Variants in GALNT13 observed in about 807,000 individuals in gnomAD.
GALNT13 encodes UDP-GalNAc:polypeptide N-acetylgalactosaminyltransferase 13.
A neutral mutation model predicts 64.2 loss-of-function variants in GALNT13; 28 were observed. The observed-to-expected ratio is 0.44, with a 90% CI of 0.32 to 0.60. The LOEUF (loss-of-function observed/expected upper bound fraction) is 0.60, where lower values mean the gene tolerates loss of function less well. Among genes scored for constraint, GALNT13 ranks in the 20% least tolerant of loss-of-function variants. The probability of loss-of-function intolerance (pLI) is 0.05; values close to 1 mark genes in which losing one functional copy is unlikely to be tolerated. For missense variants in GALNT13, 577 were observed against 669.8 expected, an observed-to-expected ratio of 0.86 and a Z score of 1.53; for synonymous variants, 214 against 224.6, an observed-to-expected ratio of 0.95 and a Z score of 0.42.
intron 3 of GALNT13, among the ~76,000 whole-genome samples, chr2:153,982,272 A>G (rs1371677813): frequency 6.6e-6 from 1 of 152,138 alleles, no homozygotes; most frequent in Non-Finnish European, 1.5e-5. Flanking sequence ...CAAGGACGGA[A>G]ATGTACTTGG....
chr2:154,402,950 A>C (rs1258504470), intron 10 of GALNT13, among the ~76,000 whole-genome samples: 2 of 152,122 alleles, frequency 1.3e-5, no homozygotes, highest in Admixed American at 1.3e-4. Context: ...CAACTCTCCC[A>C]TATGCTAGTA....
the GALNT13 span, among the ~76,000 whole-genome samples, chr2:153,655,314 T>A: frequency 6.6e-6 from 1 of 152,160 alleles, no homozygotes; most frequent in African/African-American, 2.4e-5. Flanking sequence ...TCATCATTTT[T>A]AAAAATGTCT....
chr2:154,201,516 T>C (rs905708896), intron 4 of GALNT13, among the ~76,000 whole-genome samples: 33 of 152,070 alleles, frequency 2.2e-4, no homozygotes, highest in Admixed American at 1.2e-3. Flanking sequence ...TCTTACTTTA[T>C]TTAAAGTGTC....
chr2:153,214,096 A>G, the GALNT13 span, among the ~76,000 whole-genome samples: 1 of 152,190 alleles, frequency 6.6e-6, no homozygotes, highest in Admixed American at 6.5e-5. Context: ...TGTATTATTC[A>G]GCAAAAGTTG....
the GALNT13 span, among the ~76,000 whole-genome samples, chr2:153,352,005 A>T: frequency 2.0e-5 from 3 of 152,254 alleles, no homozygotes; most frequent in Non-Finnish European, 4.4e-5. Flanking sequence ...ATATGATAAG[A>T]GTATGTTTAG....
At chr2:154,220,721 A>G (rs1427160345) in intron 4 of GALNT13, among the ~76,000 whole-genome samples, 1 of 152,102 alleles carries the variant, frequency 6.6e-6, no homozygotes, top group East Asian at 1.9e-4. Flanking sequence ...TCAACAGTGA[A>G]TCATCTTATA....
the GALNT13 span, among the ~76,000 whole-genome samples, chr2:153,110,529 A>G: frequency 6.6e-6 from 1 of 152,254 alleles, no homozygotes; most frequent in East Asian, 1.9e-4. Context: ...TAAGTCTAGT[A>G]AAGGAAAGGC....
At chr2:154,168,779 G>T (rs2105693189) in intron 4 of GALNT13, among the ~76,000 whole-genome samples, 1 of 152,064 alleles carries the variant, frequency 6.6e-6, no homozygotes, top group African/African-American at 2.4e-5. Context: ...GGAGGTGGAG[G>T]TTGCAGTGAG....
chr2:153,604,840 G>A, the GALNT13 span, among the ~76,000 whole-genome samples: 7 of 152,008 alleles, frequency 4.6e-5, no homozygotes, highest in African/African-American at 1.7e-4. Context: ...TGTGTGCCAT[G>A]CCCTCTGCTA....
chr2:153,173,821 G>C, the GALNT13 span, among the ~76,000 whole-genome samples: 1 of 151,982 alleles, frequency 6.6e-6, no homozygotes, highest in Non-Finnish European at 1.5e-5. Flanking sequence ...ATCAATTATG[G>C]GTGAGACGCA....
chr2:154,100,938 AT>A (rs139513147), intron 3 of GALNT13, among the ~76,000 whole-genome samples: 12 of 151,762 alleles, frequency 7.9e-5, no homozygotes, highest in Admixed American at 6.6e-5. Context: ...TTATCAAGTG[AT>A]TTTTTTTATA....
the GALNT13 span, among the ~76,000 whole-genome samples, chr2:153,673,540 G>A: frequency 3.3e-5 from 5 of 152,122 alleles, no homozygotes; most frequent in Non-Finnish European, 4.4e-5. Context: ...AATAAAGTAG[G>A]TATTGATAGA....
chr2:153,651,103 T>C, the GALNT13 span, among the ~76,000 whole-genome samples: 1 of 152,182 alleles, frequency 6.6e-6, no homozygotes, highest in South Asian at 2.1e-4. Context: ...TTAACAATAG[T>C]GCATTGTACA....
At chr2:154,426,439 A>G (rs530631033) in intron 11 of GALNT13, among the ~76,000 whole-genome samples, 18 of 152,150 alleles carry the variant, frequency 1.2e-4, no homozygotes, top group Non-Finnish European at 2.6e-4. Flanking sequence ...CACTTAAGGG[A>G]AGGAGGTTAT....
the GALNT13 span, among the ~76,000 whole-genome samples, chr2:153,320,384 A>T: frequency 4.7e-3 from 716 of 152,288 alleles, 5 homozygotes; most frequent in African/African-American, 0.017. Context: ...CTAGCCAGTG[A>T]CCTAGTCAAC....
At chr2:153,722,502 A>G in the GALNT13 span, among the ~76,000 whole-genome samples, 4 of 149,126 alleles carry the variant, frequency 2.7e-5, no homozygotes, top group East Asian at 7.8e-4. Context: ...CCCTTCAAAA[A>G]ATCAATGAAT....
intron 4 of GALNT13, among the ~76,000 whole-genome samples, chr2:154,175,050 A>G (rs545444069): frequency 6.6e-6 from 1 of 152,282 alleles, no homozygotes; most frequent in South Asian, 2.1e-4. Context: ...TCTTGAGCAA[A>G]TAATGCATAA....
At chr2:154,138,764 C>T (rs554499201) in intron 3 of GALNT13, among the ~76,000 whole-genome samples, 2 of 151,724 alleles carry the variant, frequency 1.3e-5, no homozygotes, top group Non-Finnish European at 2.9e-5. Flanking sequence ...ATTGTCTCAC[C>T]GACATCACAA....
chr2:154,364,703 ACTCT>A (rs1219618620), intron 9 of GALNT13, among the ~76,000 whole-genome samples: 3 of 150,862 alleles, frequency 2.0e-5, no homozygotes, highest in Non-Finnish European at 3.0e-5. Flanking sequence ...ACGGAGTCTC[ACTCT>A]CTCTCCCGGG....
Sources: gnomAD v4.1 joint callset for allele counts (sites outside exome capture counted in the v4.1 genomes callset) on GRCh38, gnomAD v4.1.1 for gene constraint, MANE v1.5 for transcripts, NCBI Gene and HGNC (gene_info 2026-07-23, HGNC 2026-07-21) for gene names.